The following ERBB4 variants were observed in gnomAD, a reference collection of about 807,000 sequenced individuals.
ERBB4 encodes receptor tyrosine-protein kinase erbB-4.
Under a neutral mutation model 158.0 loss-of-function variants are expected in ERBB4, and 42 were observed. That is an observed-to-expected ratio of 0.27 (90% CI 0.21 to 0.34). The LOEUF (loss-of-function observed/expected upper bound fraction) is 0.34. Among genes scored for constraint, ERBB4 ranks in the 10% least tolerant of loss-of-function variants. The pLI is 1.00. For synonymous variants in ERBB4, 583 were observed against 558.7 expected (o/e 1.04, Z -0.61); for missense variants, 1,333 against 1,624.1 (o/e 0.82, Z 3.08).
intron 2 of ERBB4, among the ~76,000 whole-genome samples, chr2:212,011,388 T>C (rs2076382560): frequency 6.6e-6 from 1 of 152,244 alleles, no homozygotes; most frequent in African/African-American, 2.4e-5. Flanking sequence ...AGTGCAGATA[T>C]AGAACATTTC....
At chr2:212,363,290 G>A (rs917015793) in intron 1 of ERBB4, among the ~76,000 whole-genome samples, 6 of 151,082 alleles carry the variant, frequency 4.0e-5, no homozygotes, top group Admixed American at 3.3e-4. Flanking sequence ...TATTATTAAG[G>A]AAATGATCAC....
chr2:212,362,474 C>A (rs184425586), intron 1 of ERBB4, among the ~76,000 whole-genome samples: 78 of 150,446 alleles, frequency 5.2e-4, no homozygotes, highest in African/African-American at 1.9e-3. Context: ...TAAAAATTAA[C>A]GTACTCTCTA....
chr2:212,267,559 C>T (rs960567611), intron 1 of ERBB4, among the ~76,000 whole-genome samples: 3 of 149,944 alleles, frequency 2.0e-5, no homozygotes, highest in African/African-American at 2.4e-5. Context: ...TAATAAAATA[C>T]AACAGCCCCT....
In ERBB4 at chr2:211,378,739, A is replaced by G. The variant is rs12473268; in HGVS notation, c.*4876T>C. On this transcript the variant is annotated 3_prime_UTR_variant, in exon 28 of 28. Coordinates refer to ENST00000342788, the MANE Select transcript of ERBB4 (RefSeq NM_005235.3). ...TAATATTTGTTCTTAAGCAAATAGC[A>G]ACCAGGCGATACCAATCTGCATTTA... 2.1e-5 allele frequency: 5 copies of G among 232,990 alleles called. No individual in the cohort carries two copies. The Admixed American group carries it at 2.8e-4, about 13-fold the overall frequency. The allele number at this position is 232,990 out of a possible 1,614,324, so 14.4% of individuals were successfully genotyped here. A position where few individuals can be genotyped will look rare whatever the true frequency, so the allele number is the denominator to read the frequency against.
intron 19 of ERBB4, among the ~76,000 whole-genome samples, chr2:211,589,511 T>C (rs750966929): frequency 1.7e-4 from 26 of 152,324 alleles, no homozygotes; most frequent in Non-Finnish European, 2.9e-4. Context: ...GTAGCCCTAA[T>C]AGCTTAGCCA....
intron 2 of ERBB4, among the ~76,000 whole-genome samples, chr2:212,076,307 TAA>T (rs1166561850): frequency 6.6e-6 from 1 of 151,834 alleles, no homozygotes; most frequent in African/African-American, 2.4e-5. Context: ...ATCTTCCATG[TAA>T]AGAGTAAAGT....
intron 2 of ERBB4, among the ~76,000 whole-genome samples, chr2:212,052,510 T>A (rs2125398863): frequency 6.6e-6 from 1 of 152,348 alleles, no homozygotes; most frequent in South Asian, 2.1e-4. Flanking sequence ...TAATACAGTC[T>A]GCTTATATGT....
chr2:211,806,944 T>C (rs1224770197), intron 3 of ERBB4, among the ~76,000 whole-genome samples: 1 of 152,178 alleles, frequency 6.6e-6, no homozygotes, highest in East Asian at 1.9e-4. Flanking sequence ...TTAAAGATAG[T>C]ATCTTTAAAC....
In ERBB4 at chr2:211,901,317, T is replaced by C. The variant is rs538338635; in HGVS notation, c.421+46113A>G. ...AGAAATTACATTCAATAAATGAGCA[T>C]TTTAATGTGATAGATTTAAAAAACT... is the stretch of plus-strand genomic sequence containing the variant. On this transcript the variant is annotated intron_variant, in intron 3 of 27. Coordinates refer to ENST00000342788, the MANE Select transcript of ERBB4 (RefSeq NM_005235.3). Among the ~76,000 whole-genome samples, 4 of 152,296 alleles carry C rather than the reference T, an allele frequency of 2.6e-5. No homozygotes were observed. In the South Asian group the frequency reaches 6.2e-4, roughly 24 times the overall value.
At chr2:211,667,264 T>C (rs1352656414) in intron 14 of ERBB4, among the ~76,000 whole-genome samples, 1 of 152,086 alleles carries the variant, frequency 6.6e-6, no homozygotes, top group East Asian at 1.9e-4. Context: ...TACAAATTGG[T>C]TACTTAAGGC....
intron 3 of ERBB4, among the ~76,000 whole-genome samples, chr2:211,888,978 G>A (rs2078888025): frequency 6.7e-6 from 1 of 148,956 alleles, no homozygotes; most frequent in Non-Finnish European, 1.5e-5. Flanking sequence ...GGGGAGGGGC[G>A]CCCGCCATTG....
At chr2:211,417,050 T>C (rs951419039) in intron 25 of ERBB4, among the ~76,000 whole-genome samples, 1 of 152,196 alleles carries the variant, frequency 6.6e-6, no homozygotes, top group African/African-American at 2.4e-5. Context: ...TTCATAATAT[T>C]CCGTGAGAAA....
chr2:212,317,844 C>A (rs185793335), intron 1 of ERBB4, among the ~76,000 whole-genome samples: 9 of 150,274 alleles, frequency 6.0e-5, no homozygotes, highest in Non-Finnish European at 1.0e-4. Flanking sequence ...AAAAAAAATT[C>A]TTTAAATAAA....
chr2:212,505,633 G>C (rs528584310), intron 1 of ERBB4, among the ~76,000 whole-genome samples: 3 of 148,862 alleles, frequency 2.0e-5, no homozygotes, highest in Non-Finnish European at 4.5e-5. Flanking sequence ...AAACCTTGAC[G>C]GATGATATAA....
intron 1 of ERBB4, among the ~76,000 whole-genome samples, chr2:212,130,068 C>G (rs530388702): frequency 6.6e-6 from 1 of 152,022 alleles, no homozygotes; most frequent in African/African-American, 2.4e-5. Context: ...TACAAGACAA[C>G]GCTTAAACCA....
intron 20 of ERBB4, among the ~76,000 whole-genome samples, chr2:211,470,039 T>C (rs998648643): frequency 6.6e-6 from 1 of 152,124 alleles, no homozygotes; most frequent in Non-Finnish European, 1.5e-5. Flanking sequence ...TCTTTCCTTT[T>C]ATTTAAAATA....
At position 211,378,367 on chromosome 2, in the gene ERBB4, G is replaced by A. The variant is rs114473068; in HGVS notation, c.*5248C>T. ...CTGGCCAGGAATTAGGTGAGGCAGG[G>A]GCCTGCAAAAGTGACAGATCCTACA... On this transcript the variant is annotated 3_prime_UTR_variant, in exon 28 of 28. Transcript: ENST00000342788. The A allele has an allele frequency of 4.4e-3, 1,015 of 232,644 alleles. 13 individuals are homozygous for A. Among genetic ancestry groups the A allele is most frequent in the African/African-American group, 0.021 (951 of 45,354 alleles). 14.4% of individuals were successfully genotyped at this position (232,644 alleles called of 1,614,324 possible). A position where few individuals can be genotyped will look rare whatever the true frequency, so the allele number is the denominator to read the frequency against.
chr2:212,332,493 C>T (rs906607444), intron 1 of ERBB4, among the ~76,000 whole-genome samples: 1 of 152,104 alleles, frequency 6.6e-6, no homozygotes, highest in Non-Finnish European at 1.5e-5. Context: ...CATGCCACTA[C>T]TCTGCCTTCA....
intron 4 of ERBB4, among the ~76,000 whole-genome samples, chr2:211,773,185 A>G (rs2075759944): frequency 1.3e-5 from 2 of 151,068 alleles, no homozygotes; most frequent in South Asian, 4.2e-4. Flanking sequence ...AGTCCTTGGT[A>G]GCAGAGGCTG....
Sources: gnomAD v4.1 joint callset for allele counts (sites outside exome capture counted in the v4.1 genomes callset) on GRCh38, gnomAD v4.1.1 for gene constraint, MANE v1.5 for transcripts, NCBI Gene and HGNC (gene_info 2026-07-23, HGNC 2026-07-21) for gene names.